Variants in CCSER2 observed in about 807,000 individuals in gnomAD.
CCSER2 encodes the protein coiled-coil serine rich protein 2.
CCSER2 carries 46 observed loss-of-function variants against 92.3 expected under a neutral mutation model. That is an observed-to-expected ratio of 0.50 (90% CI 0.39 to 0.64). The LOEUF is 0.64. CCSER2 is among the 30% of genes least tolerant of loss of function. The pLI, the probability that CCSER2 is intolerant of heterozygous loss-of-function variation, is 0.00. For synonymous variants in CCSER2, 433 were observed against 431.4 expected (o/e 1.00, Z -0.04); for missense variants, 1,244 against 1,238.9 (o/e 1.00, Z -0.06).
chr10:84,339,008 G>C (rs959879800), intron 1 of CCSER2, among the ~76,000 whole-genome samples: 3 of 151,750 alleles, frequency 2.0e-5, no homozygotes, highest in Admixed American at 2.0e-4. Context: ...CATGCCCCAA[G>C]TTTTGGATTT....
chr10:84,418,448 T>C (rs1378354318), intron 4 of CCSER2, among the ~76,000 whole-genome samples: 1 of 152,078 alleles, frequency 6.6e-6, no homozygotes, highest in African/African-American at 2.4e-5. Flanking sequence ...TTAAAGACTG[T>C]TGGAGAACCA....
chr10:84,463,303 A>C (rs566303960), intron 6 of CCSER2, among the ~76,000 whole-genome samples: 1 of 152,296 alleles, frequency 6.6e-6, no homozygotes, highest in African/African-American at 2.4e-5. Flanking sequence ...ACTACCGTAC[A>C]CTCAGGACAT....
intron 6 of CCSER2, among the ~76,000 whole-genome samples, chr10:84,444,731 A>G (rs1486970063): frequency 6.6e-6 from 1 of 152,240 alleles, no homozygotes; most frequent in Non-Finnish European, 1.5e-5. Flanking sequence ...AGTACTGTTT[A>G]AGAGTTCACT....
At chr10:84,503,337 C>T (rs996732011) in intron 9 of CCSER2, among the ~76,000 whole-genome samples, 1 of 152,166 alleles carries the variant, frequency 6.6e-6, no homozygotes, top group African/African-American at 2.4e-5. Context: ...CTAGTCTCTA[C>T]TTCATGATAC....
chr10:84,375,335 T>C (rs1275844606), intron 3 of CCSER2, among the ~76,000 whole-genome samples: 11 of 152,140 alleles, frequency 7.2e-5, no homozygotes, highest in Non-Finnish European at 1.5e-4. Context: ...TGGAACAAGA[T>C]GGTGTTTCTG....
intron 9 of CCSER2, among the ~76,000 whole-genome samples, chr10:84,506,916 G>A (rs1007488297): frequency 6.6e-6 from 1 of 151,986 alleles, no homozygotes; most frequent in Non-Finnish European, 1.5e-5. Context: ...GGTTACTTGG[G>A]ACTAAAACTT....
intron 6 of CCSER2, among the ~76,000 whole-genome samples, chr10:84,439,130 T>C (rs572393171): frequency 6.6e-6 from 1 of 151,828 alleles, no homozygotes; most frequent in Non-Finnish European, 1.5e-5. Context: ...TACATAATGA[T>C]AGTCATATAA....
chr10:84,492,152 A>G (rs11201069), intron 9 of CCSER2, among the ~76,000 whole-genome samples: 86,004 of 151,652 alleles, frequency 0.57, 27,071 homozygotes, highest in East Asian at 0.75. Flanking sequence ...GGTGGCGGGC[A>G]CCTGTAGTCC....
chr10:84,432,305 T>C (rs1843819514), intron 5 of CCSER2, among the ~76,000 whole-genome samples: 1 of 152,218 alleles, frequency 6.6e-6, no homozygotes, highest in African/African-American at 2.4e-5. Flanking sequence ...GTATCACATA[T>C]ACATGGATAT....
chr10:84,499,895 C>T, intron 9 of CCSER2: 1 of 1,614,056 alleles, frequency 6.2e-7, no homozygotes, highest in South Asian at 1.1e-5. Flanking sequence ...CTGCTCCCTC[C>T]TTCTCTCCTT....
Position 84,515,705 on chromosome 10 carries a change from G to A in CCSER2, c.*1438G>A, listed in dbSNP as rs1849576327. ...GTGATCCACCCACCTCGTCTATGGT[G>A]TATTTTTGAAAGACAATTTTTTAAA... On this transcript the variant is annotated 3_prime_UTR_variant, in exon 10 of 10. Coordinates refer to ENST00000372088, the MANE Select transcript of CCSER2 (RefSeq NM_001284240.2). 6.6e-6 allele frequency: 1 copy of A among 152,058 alleles called. No individual in the cohort carries two copies. The highest frequency in any genetic ancestry group is 1.5e-5 in the Non-Finnish European group (1 of 68,022). 9.4% of individuals were successfully genotyped at this position (152,058 alleles called of 1,614,324 possible). A position where few individuals can be genotyped will look rare whatever the true frequency, so the allele number is the denominator to read the frequency against.
In CCSER2 at chr10:84,510,747, T is replaced by C. The variant is rs529596924; in HGVS notation, c.2326-2702T>C. On this transcript the variant is annotated intron_variant, in intron 9 of 9. Coordinates refer to ENST00000372088, the MANE Select transcript of CCSER2 (RefSeq NM_001284240.2). ...CATCAGAACACATCTCTGCCTTGCT[T>C]GCTAGAGGTTAAGAGGTAGCTTGTT... Among the ~76,000 whole-genome samples the C allele has an allele frequency of 4.6e-5, 7 of 152,292 alleles. No individual in the cohort carries two copies. In the East Asian group the frequency reaches 1.2e-3, roughly 25 times the overall value.
intron 8 of CCSER2, chr10:84,473,154 C>T (rs186197810): frequency 3.9e-5 from 6 of 152,044 alleles, no homozygotes; most frequent in Non-Finnish European, 8.8e-5. Context: ...TCAGTAGGTA[C>T]CTTGAAATTC....
intron 1 of CCSER2, among the ~76,000 whole-genome samples, chr10:84,343,945 G>A (rs147819075): frequency 1.3e-5 from 2 of 152,318 alleles, no homozygotes; most frequent in African/African-American, 4.8e-5. Flanking sequence ...CTAGTACTGT[G>A]AAGATGCTGT....
chr10:84,355,711 GA>G (rs1435621770), intron 1 of CCSER2, among the ~76,000 whole-genome samples: 1 of 152,238 alleles, frequency 6.6e-6, no homozygotes, highest in African/African-American at 2.4e-5. Context: ...TTGGTGTAAT[GA>G]AAGCATTTCT....
intron 9 of CCSER2, among the ~76,000 whole-genome samples, chr10:84,506,086 G>T (rs1338618231): frequency 6.7e-6 from 1 of 150,252 alleles, no homozygotes; most frequent in African/African-American, 2.4e-5. Context: ...ATCTAAGAGT[G>T]ATTGTGCCTC....
In CCSER2 at chr10:84,441,736, G is replaced by GTTTTTTTTTT. The variant is rs869280119; in HGVS notation, c.2064+3060_2064+3069dup. On this transcript the variant is annotated intron_variant, in intron 6 of 9. Coordinates refer to ENST00000372088, the MANE Select transcript of CCSER2 (RefSeq NM_001284240.2). ...GAATAAAGTAGAAGACTGGGAAAAT[G>GTTTTTTTTTT]TTTTTTTTTTTTTTTTTTTTTTTTT... Among the ~76,000 whole-genome samples, 13 of 43,632 alleles carry GTTTTTTTTTT rather than the reference G, an allele frequency of 3.0e-4. 2 individuals are homozygous for GTTTTTTTTTT. The highest frequency in any genetic ancestry group is 5.3e-4 in the Non-Finnish European group (11 of 20,852). 28.6% of individuals were successfully genotyped at this position (43,632 alleles called of 152,430 possible). A position where few individuals can be genotyped will look rare whatever the true frequency, so the allele number is the denominator to read the frequency against.
intron 9 of CCSER2, among the ~76,000 whole-genome samples, chr10:84,495,892 C>G (rs1450649890): frequency 1.3e-5 from 2 of 150,920 alleles, no homozygotes; most frequent in Non-Finnish European, 3.0e-5. Context: ...ATCTACCAAT[C>G]TGTCTTTTAA....
intron 3 of CCSER2, among the ~76,000 whole-genome samples, chr10:84,402,242 CG>C (rs1842157802): frequency 6.6e-6 from 1 of 152,088 alleles, no homozygotes; most frequent in Non-Finnish European, 1.5e-5. Flanking sequence ...AAGTGAATAC[CG>C]TATGAGCACT....
Sources: allele counts gnomAD v4.1 joint callset (sites outside exome capture counted in the v4.1 genomes callset), GRCh38; gene constraint gnomAD v4.1.1; transcripts MANE v1.5; gene names NCBI Gene and HGNC (gene_info 2026-07-23, HGNC 2026-07-21).